Variants in ANO3 observed in about 807,000 individuals in gnomAD.
The protein encoded by ANO3 is anoctamin-3.
In ANO3, 99 loss-of-function variants were observed where a neutral mutation model predicts 144.8. The observed-to-expected ratio is 0.68, with a 90% confidence interval of 0.58 to 0.81. The LOEUF (loss-of-function observed/expected upper bound fraction) is 0.81, where lower values mean the gene tolerates loss of function less well. Ranked by LOEUF, ANO3 falls within the 30% of genes least tolerant of loss-of-function variation. ANO3 has a pLI of 0.00. For synonymous variants in ANO3, 414 were observed against 392.6 expected (o/e 1.05, Z -0.64); for missense variants, 905 against 1,202.2 (o/e 0.75, Z 3.66).
At chr11:26,219,904 T>A (rs72889675) in intron 1 of ANO3, among the ~76,000 whole-genome samples, 45,485 of 152,016 alleles carry the variant, frequency 0.3, 7,620 homozygotes, top group Non-Finnish European at 0.37. Context: ...CATTTTGGAT[T>A]TTACACCCTG....
intron 1 of ANO3, among the ~76,000 whole-genome samples, chr11:26,339,868 C>G (rs562213090): frequency 1.3e-5 from 2 of 152,286 alleles, no homozygotes; most frequent in East Asian, 3.9e-4. Flanking sequence ...TTAAACTGCA[C>G]TGCAAGTAGC....
chr11:26,376,892 G>A (rs1377432057), intron 1 of ANO3, among the ~76,000 whole-genome samples: 1 of 152,150 alleles, frequency 6.6e-6, no homozygotes, highest in African/African-American at 2.4e-5. Context: ...TAGGAGCCAT[G>A]CAAAGCAGAA....
At chr11:26,624,341 ATTTAAAG>A (rs1852513532) in intron 17 of ANO3, 114 bp from the exon 18 acceptor site, 1 of 642,060 alleles carries the variant, frequency 1.6e-6, no homozygotes. Flanking sequence ...AAATGTTTCT[ATTTAAAG>A]TAAAATGTAA....
intron 24 of ANO3, among the ~76,000 whole-genome samples, chr11:26,654,267 C>T (rs1483201302): frequency 3.3e-5 from 5 of 152,054 alleles, no homozygotes; most frequent in African/African-American, 1.2e-4. Flanking sequence ...TTTAAGCGTT[C>T]GTTGAATTCT....
chr11:26,291,481 TTGA>T (rs1335147333), intron 1 of ANO3, among the ~76,000 whole-genome samples: 2 of 152,204 alleles, frequency 1.3e-5, no homozygotes, highest in Admixed American at 6.5e-5. Context: ...TGTTTGTTAG[TTGA>T]TGCAGTTTCT....
intron 11 of ANO3, among the ~76,000 whole-genome samples, chr11:26,543,731 A>C (rs188508432): frequency 1.0e-3 from 157 of 152,060 alleles, no homozygotes; most frequent in Non-Finnish European, 2.0e-3. Context: ...TCCTTGAGAT[A>C]GTTTGCTCAG....
chr11:26,628,765 T>C (rs979080385), intron 18 of ANO3, among the ~76,000 whole-genome samples: 4 of 152,184 alleles, frequency 2.6e-5, no homozygotes, highest in African/African-American at 9.7e-5. Context: ...ATGTGATTTT[T>C]CTGGTCCATA....
intron 1 of ANO3, among the ~76,000 whole-genome samples, chr11:26,233,998 G>A (rs191869298): frequency 7.9e-5 from 12 of 152,088 alleles, no homozygotes; most frequent in South Asian, 4.2e-4. Flanking sequence ...TGTATGCGGG[G>A]GGCTGAAAAC....
At chr11:26,653,869 C>G (rs912169280) in intron 24 of ANO3, among the ~76,000 whole-genome samples, 1 of 152,110 alleles carries the variant, frequency 6.6e-6, no homozygotes, top group African/African-American at 2.4e-5. Context: ...GTGGTCAAAA[C>G]TTTACATTAC....
At position 26,293,530 on chromosome 11, in the gene ANO3, C is replaced by CATATATATATATAT. The variant is rs375743472; in HGVS notation, c.155-16113_155-16112insATATATATATATAT. 8.0e-5 allele frequency among the ~76,000 whole-genome samples: 5 copies of CATATATATATATAT among 62,434 alleles called. 1 individual carries two copies. The East Asian group carries it at 1.2e-3, about 15-fold the overall frequency. 41.0% of individuals were successfully genotyped at this position (62,434 alleles called of 152,430 possible). A position where few individuals can be genotyped will look rare whatever the true frequency, so the allele number is the denominator to read the frequency against. ...CAGTCTAGAGTGGGTCTATAAATTC[C>CATATATATATATAT]ATGTATATATATATATATATATATA... On this transcript the variant is annotated intron_variant, in intron 1 of 27. Coordinates refer to the ANO3 transcript ENST00000672621.
rs2134181213 is a variant in ANO3, at chr11:26,529,985, T to C, written c.738-1220T>C. Among the ~76,000 whole-genome samples the C allele has an allele frequency of 2.0e-5, 3 of 152,206 alleles. No individual in the cohort carries two copies. In the East Asian group the frequency reaches 5.8e-4, roughly 30 times the overall value. Reference sequence around the variant, plus strand: ...TCAAAGTATAGTCAGTGGTTAGCAATATGAGTGTCCCTTAGCAGCTATGTA... The same window carrying C: ...TCAAAGTATAGTCAGTGGTTAGCAACATGAGTGTCCCTTAGCAGCTATGTA... On this transcript the variant is annotated intron_variant, in intron 7 of 26. Transcript: ENST00000256737.
intron 9 of ANO3, among the ~76,000 whole-genome samples, chr11:26,536,372 G>C (rs1397469919): frequency 1.3e-5 from 2 of 151,010 alleles, no homozygotes; most frequent in Non-Finnish European, 3.0e-5. Context: ...AATATAAATT[G>C]AAAATGTGTC....
intron 24 of ANO3, among the ~76,000 whole-genome samples, chr11:26,648,727 G>A (rs1237684076): frequency 6.6e-6 from 1 of 152,178 alleles, no homozygotes; most frequent in Non-Finnish European, 1.5e-5. Flanking sequence ...AGAGGAGTTG[G>A]AGGCACATGA....
At chr11:26,365,860 A>G (rs918716371) in intron 1 of ANO3, among the ~76,000 whole-genome samples, 17 of 151,788 alleles carry the variant, frequency 1.1e-4, no homozygotes, top group Non-Finnish European at 1.5e-4. Context: ...TTGTTTGGAT[A>G]TTAGCGCTTG....
chr11:26,453,406 C>G (rs1054204125), intron 3 of ANO3, among the ~76,000 whole-genome samples: 4 of 151,734 alleles, frequency 2.6e-5, no homozygotes, highest in African/African-American at 9.7e-5. Flanking sequence ...CAATGGAAAA[C>G]GAAAAAAGGC....
rs529136169 is a variant in ANO3 at position 26,375,072 on chromosome 11, A to G, written c.46+42751A>G. On this transcript the variant is annotated intron_variant, in intron 1 of 26. Coordinates refer to ENST00000256737, the MANE Select transcript of ANO3 (RefSeq NM_031418.4). ...TGCACTTTATTTCTATTATTATTAC[A>G]TACTCATCATAATGTAGAATCAGTG... Among the ~76,000 whole-genome samples, 22 of 152,274 alleles carry G rather than the reference A, an allele frequency of 1.4e-4. No homozygotes were observed. The South Asian group carries it at 2.7e-3, about 19-fold the overall frequency.
At chr11:26,400,101 T>G (rs1371032917) in intron 1 of ANO3, among the ~76,000 whole-genome samples, 2 of 149,380 alleles carry the variant, frequency 1.3e-5, no homozygotes, top group African/African-American at 5.1e-5. Context: ...AAAGCAAAGT[T>G]TTTTTTGTTT....
At chr11:26,254,303 T>C (rs1041999166) in intron 1 of ANO3, among the ~76,000 whole-genome samples, 20 of 152,136 alleles carry the variant, frequency 1.3e-4, no homozygotes, top group African/African-American at 4.6e-4. Context: ...CTGCACTTTC[T>C]GTTTAACTAG....
intron 7 of ANO3, among the ~76,000 whole-genome samples, chr11:26,530,278 G>A (rs548732596): frequency 2.0e-5 from 3 of 152,270 alleles, no homozygotes; most frequent in Admixed American, 6.5e-5. Context: ...CTAGCACAGT[G>A]CAATAAATTA....
Sources: allele counts gnomAD v4.1 joint callset (sites outside exome capture counted in the v4.1 genomes callset), GRCh38; gene constraint gnomAD v4.1.1; transcripts MANE v1.5; gene names NCBI Gene and HGNC (gene_info 2026-07-23, HGNC 2026-07-21).